The following DNAH5 variants were observed in gnomAD, a reference collection of about 807,000 sequenced individuals.
The protein encoded by DNAH5 is dynein axonemal heavy chain 5, also known as axonemal beta dynein heavy chain 5.
DNAH5 carries 372 observed loss-of-function variants against 518.2 expected under a neutral mutation model. The ratio of observed to expected loss-of-function variants is 0.72; its 90% CI spans 0.66 to 0.78. The LOEUF is 0.78. Ranked by LOEUF, DNAH5 falls within the 30% of genes least tolerant of loss-of-function variation. DNAH5 has a pLI of 0.00. For synonymous variants in DNAH5, 2,039 were observed against 2,025.9 expected, an observed-to-expected ratio of 1.01 and a Z score of -0.17; for missense variants, 5,523 against 5,687.0, an observed-to-expected ratio of 0.97 and a Z score of 0.93.
chr5:13,696,708 A>G (rs1292749309), intron 78 of DNAH5, among the ~76,000 whole-genome samples: 1 of 152,200 alleles, frequency 6.6e-6, no homozygotes, highest in Non-Finnish European at 1.5e-5. Flanking sequence ...AATATATCGC[A>G]TGAAAGGGGT....
At chr5:13,867,719 G>T in intron 25 of DNAH5, 55 bp downstream of exon 25, 1 of 1,312,392 alleles carries the variant, frequency 7.6e-7, no homozygotes, top group East Asian at 2.3e-5. Context: ...ACTACATTTT[G>T]CATGTTGTAT....
chr5:13,950,599 A>G (rs1780313791), intron 1 of DNAH5, among the ~76,000 whole-genome samples: 1 of 152,164 alleles, frequency 6.6e-6, no homozygotes, highest in Non-Finnish European at 1.5e-5. Flanking sequence ...ATAAAGCTGT[A>G]GTGCTTTCTG....
chr5:13,958,941 T>G (rs925756116), intron 1 of DNAH5, among the ~76,000 whole-genome samples: 6 of 151,922 alleles, frequency 3.9e-5, no homozygotes. Flanking sequence ...GAATTTTATG[T>G]TTCTCAACAG....
chr5:13,831,341 A>C (rs1417970424), intron 35 of DNAH5, among the ~76,000 whole-genome samples: 1 of 152,262 alleles, frequency 6.6e-6, no homozygotes, highest in African/African-American at 2.4e-5. Context: ...GAGATTAACA[A>C]ATAAAAGATT....
chr5:13,920,726 AC>A, intron 5 of DNAH5, 109 bp from the exon 6 acceptor site: 1 of 1,180,926 alleles, frequency 8.5e-7, no homozygotes, highest in Non-Finnish European at 1.2e-6. Context: ...TGGAAAGCCC[AC>A]CAGGTAGCAC....
At chr5:13,919,758 T>C (rs1011460592) in intron 6 of DNAH5, among the ~76,000 whole-genome samples, 2 of 152,180 alleles carry the variant, frequency 1.3e-5, no homozygotes, top group Non-Finnish European at 2.9e-5. Flanking sequence ...GTACTTATCA[T>C]TTCTACGTGT....
chr5:13,866,299 A>G lies in DNAH5; in HGVS notation c.4054-17T>C. The G allele has an allele frequency of 6.2e-7, 1 of 1,610,070 alleles. No individual in the cohort carries two copies. Among genetic ancestry groups the G allele is most frequent in the Non-Finnish European group, 8.5e-7 (1 of 1,177,774 alleles). On this transcript the variant is annotated splice_polypyrimidine_tract_variant and intron_variant, in intron 25 of 78. Transcript: ENST00000265104. ...TGGACCATTCTGAACAAAAAGTAAA[A>G]AAAGAAAAATAGAAGGAAGTGTTTG... is the stretch of plus-strand genomic sequence containing the variant.
chr5:13,860,256 G>C (rs1186358196), intron 29 of DNAH5: 1 of 152,452 alleles, frequency 6.6e-6, no homozygotes, highest in African/African-American at 2.4e-5. Flanking sequence ...TTTCCATGTG[G>C]GCTCATAATT....
At chr5:13,797,276 G>A (rs1580297575) in intron 47 of DNAH5, among the ~76,000 whole-genome samples, 1 of 152,240 alleles carries the variant, frequency 6.6e-6, no homozygotes. Context: ...CCTACAGAAT[G>A]GGAGAAAATT....
rs533672589 is a variant in DNAH5 at position 13,985,254 on chromosome 5, A to G, written c.12+26394T>C. Among the ~76,000 whole-genome samples the G allele has an allele frequency of 1.6e-3, 214 of 135,532 alleles. 2 individuals carry two copies. The highest frequency in any genetic ancestry group is 2.4e-3 in the South Asian group (9 of 3,820). 88.9% of individuals were successfully genotyped at this position (135,532 alleles called of 152,430 possible). A position where few individuals can be genotyped will look rare whatever the true frequency, so the allele number is the denominator to read the frequency against. On this transcript the variant is annotated intron_variant, in intron 1 of 78. Coordinates refer to the DNAH5 transcript ENST00000681290. ...GAGAACACTTGGACACAGGAAGGGG[A>G]ACATCACACACCGGGGCCTGTTGTA...
chr5:13,915,425 T>G (rs896161472), intron 9 of DNAH5, among the ~76,000 whole-genome samples: 3 of 152,102 alleles, frequency 2.0e-5, no homozygotes, highest in African/African-American at 7.2e-5. Flanking sequence ...CTAAATCAAG[T>G]TTTGCAAATA....
intron 47 of DNAH5, among the ~76,000 whole-genome samples, chr5:13,807,320 T>G (rs1157997330): frequency 6.6e-6 from 1 of 152,218 alleles, no homozygotes; most frequent in Non-Finnish European, 1.5e-5. Context: ...ATTTTGCGTG[T>G]TCACAGTATT....
At chr5:13,752,777 A>G (rs557530833) in intron 63 of DNAH5, among the ~76,000 whole-genome samples, 34 of 152,378 alleles carry the variant, frequency 2.2e-4, no homozygotes, top group African/African-American at 7.9e-4. Context: ...GTGAAATTGT[A>G]AAGAAGTGTA....
At chr5:13,801,049 TCTCA>T (rs1334048260) in intron 47 of DNAH5, among the ~76,000 whole-genome samples, 1 of 152,242 alleles carries the variant, frequency 6.6e-6, no homozygotes, top group African/African-American at 2.4e-5. Flanking sequence ...CTTTGACTTT[TCTCA>T]CTGTCTCCTA....
At chr5:13,953,098 T>A (rs1780538366) in intron 1 of DNAH5, among the ~76,000 whole-genome samples, 2 of 152,224 alleles carry the variant, frequency 1.3e-5, no homozygotes, top group Admixed American at 6.5e-5. Flanking sequence ...TCATTTCTCA[T>A]ACACATAAAG....
intron 1 of DNAH5, among the ~76,000 whole-genome samples, chr5:13,955,058 C>G: frequency 6.6e-6 from 1 of 152,190 alleles, no homozygotes; most frequent in East Asian, 1.9e-4. Context: ...TCATGTGGAA[C>G]TGTAATCCCC....
At chr5:13,762,446 G>C (rs1050923279) in intron 60 of DNAH5, among the ~76,000 whole-genome samples, 20 of 152,114 alleles carry the variant, frequency 1.3e-4, no homozygotes, top group African/African-American at 4.8e-4. Context: ...AGTTAACATT[G>C]TGGAGGAAAA....
rs182869789 is a variant in DNAH5, at chr5:13,853,275, C to T, written c.4951-2460G>A. Reference sequence around the variant, plus strand: ...CAAACTCCAGAAGACCTGCAGAAGACGGGCCTGTCTGTTAGAGGAACACTA... The same window carrying T: ...CAAACTCCAGAAGACCTGCAGAAGATGGGCCTGTCTGTTAGAGGAACACTA... On this transcript the variant is annotated intron_variant, in intron 30 of 78. Coordinates refer to ENST00000265104, the MANE Select transcript of DNAH5 (RefSeq NM_001369.3). Among the ~76,000 whole-genome samples the T allele has an allele frequency of 9.2e-5, 14 of 152,290 alleles. No individual in the cohort carries two copies. The East Asian group carries it at 2.5e-3, about 27-fold the overall frequency.
At chr5:13,875,801 A>T (rs1368294142) in intron 22 of DNAH5, among the ~76,000 whole-genome samples, 3 of 152,018 alleles carry the variant, frequency 2.0e-5, no homozygotes, top group Non-Finnish European at 4.4e-5. Context: ...AGAAAGGAAA[A>T]TTAAAAGTCC....
Sources: gnomAD v4.1 joint callset for allele counts (sites outside exome capture counted in the v4.1 genomes callset) on GRCh38, gnomAD v4.1.1 for gene constraint, MANE v1.5 for transcripts, NCBI Gene and HGNC (gene_info 2026-07-23, HGNC 2026-07-21) for gene names.